ILDR2: variants seen among roughly 807,000 people sequenced by gnomAD.
ILDR2 encodes immunoglobulin like domain containing receptor 2.
Under a neutral mutation model 66.8 loss-of-function variants are expected in ILDR2, and 25 were observed. The observed-to-expected ratio is 0.37, with a 90% CI of 0.27 to 0.52. ILDR2 has a LOEUF of 0.52. Among genes scored for constraint, ILDR2 ranks in the 20% least tolerant of loss-of-function variants. The probability of loss-of-function intolerance (pLI) is 0.88; values close to 1 mark genes in which losing one functional copy is unlikely to be tolerated. For synonymous variants in ILDR2, 367 were observed against 357.2 expected, an observed-to-expected ratio of 1.03 and a Z score of -0.31; for missense variants, 827 against 876.8, an observed-to-expected ratio of 0.94 and a Z score of 0.72.
intron 7 of ILDR2, among the ~76,000 whole-genome samples, chr1:166,926,336 A>G (rs1660288072): frequency 6.6e-6 from 1 of 152,122 alleles, no homozygotes; most frequent in South Asian, 2.1e-4. Flanking sequence ...CAGCTGTGTC[A>G]GCTGCAGAGT....
intron 3 of ILDR2, among the ~76,000 whole-genome samples, chr1:166,942,844 A>G (rs558565617): frequency 3.0e-4 from 45 of 152,364 alleles, no homozygotes; most frequent in African/African-American, 1.1e-3. Context: ...ATGGAAGAAC[A>G]ATGAAGGAAC....
chr1:166,920,582 C>A lies in ILDR2; in HGVS notation c.1884+125G>T. On this transcript the variant is annotated intron_variant, in intron 9 of 9. Coordinates refer to ENST00000271417, the MANE Select transcript of ILDR2 (RefSeq NM_199351.3). ...ACGAACTCGCCCAGGCAGGCCCCTG[C>A]GGCCTCTCCGGCAAGGACCCTCCCG... 10 of 1,098,806 alleles carry A rather than the reference C, an allele frequency of 9.1e-6. No homozygotes were observed. The South Asian group carries it at 2.5e-4, about 28-fold the overall frequency. 68.1% of individuals were successfully genotyped at this position (1,098,806 alleles called of 1,614,324 possible).
chr1:166,901,875 G>A (rs1267876122), intron 2 of ILDR2, among the ~76,000 whole-genome samples: 4 of 152,214 alleles, frequency 2.6e-5, no homozygotes, highest in Non-Finnish European at 5.9e-5. Flanking sequence ...TATTAGGAGT[G>A]ACCTTCCTCC....
At chr1:166,903,171 G>A (rs1021458265) in intron 2 of ILDR2, among the ~76,000 whole-genome samples, 1 of 152,156 alleles carries the variant, frequency 6.6e-6, no homozygotes, top group African/African-American at 2.4e-5. Flanking sequence ...CTTTCTAATG[G>A]TTTCCAACTT....
chr1:166,975,155 G>C (rs774905993), intron 1 of ILDR2, 68 bp downstream of exon 1: 4 of 1,315,392 alleles, frequency 3.0e-6, no homozygotes, highest in Non-Finnish European at 4.4e-6. Flanking sequence ...GGGGCGGGGG[G>C]CGCGGTGAGA....
chr1:166,958,636 G>A (rs1000353046), intron 1 of ILDR2, among the ~76,000 whole-genome samples: 3 of 152,068 alleles, frequency 2.0e-5, no homozygotes, highest in East Asian at 1.9e-4. Flanking sequence ...GTGTGAGAGC[G>A]GACCAATACA....
At chr1:166,967,733 G>A (rs900188885) in intron 1 of ILDR2, among the ~76,000 whole-genome samples, 3 of 152,172 alleles carry the variant, frequency 2.0e-5, no homozygotes, top group African/African-American at 7.2e-5. Context: ...TCCAGCCTGG[G>A]TGACAGAGTG....
intron 3 of ILDR2, among the ~76,000 whole-genome samples, chr1:166,940,439 A>G (rs560646434): frequency 6.6e-6 from 1 of 152,188 alleles, no homozygotes; most frequent in African/African-American, 2.4e-5. Flanking sequence ...CCCTGACATT[A>G]TATCTCTAAA....
intron 1 of ILDR2, among the ~76,000 whole-genome samples, chr1:166,965,894 T>G (rs1354044593): frequency 6.6e-6 from 1 of 152,170 alleles, no homozygotes; most frequent in Non-Finnish European, 1.5e-5. Flanking sequence ...TGGGCAGGTT[T>G]TTTAAGTGTA....
intron 7 of ILDR2, among the ~76,000 whole-genome samples, chr1:166,923,771 C>T (rs1205315665): frequency 6.6e-6 from 1 of 152,160 alleles, no homozygotes; most frequent in Non-Finnish European, 1.5e-5. Context: ...AACAAAAACT[C>T]AACTATTTAT....
intron 3 of ILDR2, among the ~76,000 whole-genome samples, chr1:166,952,646 T>C (rs981176968): frequency 6.6e-6 from 1 of 152,196 alleles, no homozygotes; most frequent in African/African-American, 2.4e-5. Flanking sequence ...ATAACAACTA[T>C]GCCTTTGAAG....
rs539487299 is a variant in ILDR2, at chr1:166,968,384, T to C, written c.46+6839A>G. ...GCCTCTAGAAGCTTCTTCCTGTTCT[T>C]ACAGCAGTCACAGTACCCCAAAGAA... On this transcript the variant is annotated intron_variant, in intron 1 of 9. Transcript: ENST00000271417. 3.3e-5 allele frequency among the ~76,000 whole-genome samples: 5 copies of C among 152,204 alleles called. 1 individual carries two copies. Among genetic ancestry groups the C allele is most frequent in the African/African-American group, 1.2e-4 (5 of 41,532 alleles).
chr1:166,897,646 C>T (rs982853447), intron 2 of ILDR2, among the ~76,000 whole-genome samples: 12 of 152,202 alleles, frequency 7.9e-5, no homozygotes, highest in African/African-American at 2.9e-4. Context: ...CTTAATGACA[C>T]TCCAATAAAA....
At position 166,912,291 on chromosome 1, in the gene ILDR2, G is replaced by T. The variant is rs1385406937; in HGVS notation, c.*7064C>A. 6.6e-6 allele frequency: 1 copy of T among 152,058 alleles called. No individual in the cohort carries two copies. Among genetic ancestry groups the T allele is most frequent in the Non-Finnish European group, 1.5e-5 (1 of 67,976 alleles). 9.4% of individuals were successfully genotyped at this position (152,058 alleles called of 1,614,324 possible). On this transcript the variant is annotated 3_prime_UTR_variant, in exon 10 of 10. Coordinates refer to ENST00000271417, the MANE Select transcript of ILDR2 (RefSeq NM_199351.3). ...GAAATTATCTTTCAAGAACAAGAAT[G>T]AAATAAAGACTTTTACATCAACAAA...
At chr1:166,934,600 G>A (rs1660833658) in intron 6 of ILDR2, among the ~76,000 whole-genome samples, 1 of 152,154 alleles carries the variant, frequency 6.6e-6, no homozygotes, top group South Asian at 2.1e-4. Context: ...TCTTCTGGAG[G>A]GGTTTCAAGG....
At chr1:166,950,991 G>A (rs760008527) in intron 3 of ILDR2, among the ~76,000 whole-genome samples, 5 of 152,156 alleles carry the variant, frequency 3.3e-5, no homozygotes, top group Non-Finnish European at 2.9e-5. Context: ...CCATAAAGAA[G>A]CACAAATGGA....
rs1165032793 is a variant in ILDR2 at position 166,910,036 on chromosome 1, G to T, written c.*9319C>A. 6.6e-6 allele frequency: 1 copy of T among 151,788 alleles called. No individual in the cohort carries two copies. Among genetic ancestry groups the T allele is most frequent in the African/African-American group, 2.4e-5 (1 of 41,310 alleles). The allele number at this position is 151,788 out of a possible 1,614,324, so 9.4% of individuals were successfully genotyped here. ...AGAGAGAACAAGAGACAGAGAGATT[G>T]ATTCATCTTTGTACAGCTGAAGACT... is the stretch of plus-strand genomic sequence containing the variant. On this transcript the variant is annotated 3_prime_UTR_variant, in exon 10 of 10. Transcript: ENST00000271417.
intron 3 of ILDR2, among the ~76,000 whole-genome samples, chr1:166,947,419 C>T (rs369929995): frequency 1.3e-4 from 20 of 152,362 alleles, no homozygotes; most frequent in East Asian, 7.7e-4. Context: ...CCGTGGCCAG[C>T]CCCCTTAGTG....
downstream of ILDR2, among the ~76,000 whole-genome samples, chr1:166,903,954 A>T (rs1214548783): frequency 6.6e-6 from 1 of 152,114 alleles, no homozygotes; most frequent in Non-Finnish European, 1.5e-5. Context: ...CTTAACAGTC[A>T]ATGTCCATGA....
Sources: allele counts gnomAD v4.1 joint callset (sites outside exome capture counted in the v4.1 genomes callset), GRCh38; gene constraint gnomAD v4.1.1; transcripts MANE v1.5; gene names NCBI Gene and HGNC (gene_info 2026-07-23, HGNC 2026-07-21).